Variants in GCN1 observed in about 807,000 individuals in gnomAD.
GCN1 encodes the protein stalled ribosome sensor GCN1.
In GCN1, 90 loss-of-function variants were observed where a neutral mutation model predicts 288.4. The ratio of observed to expected loss-of-function variants is 0.31; its 90% CI spans 0.26 to 0.37. The LOEUF is 0.37. GCN1 is among the 10% of genes least tolerant of loss of function. The probability of loss-of-function intolerance (pLI) is 1.00; values close to 1 mark genes in which losing one functional copy is unlikely to be tolerated. For synonymous variants in GCN1, 1,386 were observed against 1,420.2 expected (o/e 0.98, Z 0.54); for missense variants, 2,586 against 3,419.9 (o/e 0.76, Z 6.08).
At chr12:120,150,929 T>TC in intron 34 of GCN1, among the ~76,000 whole-genome samples, 1 of 148,516 alleles carries the variant, frequency 6.7e-6, no homozygotes, top group South Asian at 2.1e-4. Context: ...AGAGCGAGAC[T>TC]CCGTCTCAAA....
At position 120,144,462 on chromosome 12, in the gene GCN1, G is replaced by C; in HGVS notation, c.5353-14C>G. On this transcript the variant is annotated splice_polypyrimidine_tract_variant and intron_variant, in intron 41 of 57. Coordinates refer to ENST00000300648, the MANE Select transcript of GCN1 (RefSeq NM_006836.2). This position sits in a 1 kb window ranked among gnomAD's most constrained non-coding sequence, Gnocchi z 4.7. ...ATCAGCAAGAGCCTGGGCACACAGA[G>C]GGTGGGTCAGCCAGAGCTGCCACCC... 2 of 1,607,886 alleles carry C rather than the reference G, an allele frequency of 1.2e-6. No individual in the cohort carries two copies. The highest frequency in any genetic ancestry group is 1.7e-6 in the Non-Finnish European group (2 of 1,175,886).
chr12:120,163,890 A>G (rs1807765844), intron 18 of GCN1, among the ~76,000 whole-genome samples: 1 of 152,174 alleles, frequency 6.6e-6, no homozygotes, highest in African/African-American at 2.4e-5. Context: ...TGGGAAGCCG[A>G]GGTAGGAGGA....
chr12:120,150,972 A>C (rs188057213), intron 34 of GCN1, among the ~76,000 whole-genome samples, 173 bp downstream of exon 34: 1 of 152,000 alleles, frequency 6.6e-6, no homozygotes, highest in Non-Finnish European at 1.5e-5. Context: ...AAAATTTGCA[A>C]GTCCAAGGAA....
rs938232856 is a variant in GCN1, at chr12:120,164,199, C to G, written c.1848+137G>C. ...TATGAAAGATGTTACTGGAGCTTGA[C>G]GGCAGAGCAGAAGATGCTGGCATCA... On this transcript the variant is annotated intron_variant, in intron 18 of 57. Transcript: ENST00000300648. 5.8e-6 allele frequency: 4 copies of G among 688,356 alleles called. No individual in the cohort carries two copies. The East Asian group carries it at 1.0e-4, about 18-fold the overall frequency. The allele number at this position is 688,356 out of a possible 1,614,324, so 42.6% of individuals were successfully genotyped here. A position where few individuals can be genotyped will look rare whatever the true frequency, so the allele number is the denominator to read the frequency against.
At chr12:120,167,558 G>A (rs759514920) in intron 16 of GCN1, among the ~76,000 whole-genome samples, 2 of 152,052 alleles carry the variant, frequency 1.3e-5, no homozygotes, top group Non-Finnish European at 2.9e-5. Flanking sequence ...ATCTATAGCC[G>A]AGGAACTGGG....
Position 120,127,692 on chromosome 12 carries a change from G to T in GCN1, c.*157C>A. On this transcript the variant is annotated 3_prime_UTR_variant, in exon 58 of 58. Transcript: ENST00000300648. The stretch of plus-strand genomic sequence containing the variant: ...TGGAGGAGGCAATTTTCAGTTGTGT[G>T]TGGGTTTGATTTAAGGCTTTGGCTG... 1.2e-6 allele frequency: 1 copy of T among 823,020 alleles called. No homozygotes were observed. 51.0% of individuals were successfully genotyped at this position (823,020 alleles called of 1,614,324 possible).
At chr12:120,150,452 G>C (rs1168525257) in intron 34 of GCN1, among the ~76,000 whole-genome samples, 2 of 151,420 alleles carry the variant, frequency 1.3e-5, no homozygotes, top group African/African-American at 4.9e-5. Flanking sequence ...AAAATTAGCT[G>C]GGTATGGTGG....
chr12:120,166,141 G>A (rs191890738), intron 16 of GCN1, among the ~76,000 whole-genome samples: 24 of 148,922 alleles, frequency 1.6e-4, no homozygotes, highest in African/African-American at 5.2e-4. Context: ...AGTGGCTCAC[G>A]CCTGTAATCC....
chr12:120,163,307 T>C (rs1877991637), intron 18 of GCN1, 48 bp from the exon 19 acceptor site: 1 of 1,486,132 alleles, frequency 6.7e-7, no homozygotes, highest in African/African-American at 1.4e-5. Flanking sequence ...CTGTGCAGGC[T>C]TGGAACACAG....
At chr12:120,147,474 T>C (rs2139097977) in intron 37 of GCN1, among the ~76,000 whole-genome samples, 1 of 152,228 alleles carries the variant, frequency 6.6e-6, no homozygotes, top group African/African-American at 2.4e-5. Context: ...CCTCAGGTGA[T>C]CCGCCCGCCT....
Position 120,156,454 on chromosome 12 carries a change from C to T in GCN1, c.3312+7G>A. 6.2e-7 allele frequency: 1 copy of T among 1,613,186 alleles called. No homozygotes were observed. The highest frequency in any genetic ancestry group is 2.2e-5 in the East Asian group (1 of 44,888). ...ACACTGCAGTGGCTCTGAGACTGAG[C>T]ACACACCCGGAGCACGGTTTCCCGC... On this transcript the variant is annotated splice_region_variant and intron_variant, in intron 28 of 57. Transcript: ENST00000300648. The surrounding 1 kb of genome is among the most constrained non-coding windows in gnomAD (Gnocchi z 5.8).
intron 1 of GCN1, among the ~76,000 whole-genome samples, chr12:120,193,383 G>A (rs1040626153): frequency 4.6e-5 from 7 of 151,872 alleles, no homozygotes; most frequent in Admixed American, 6.6e-5. Context: ...TCAGCTCACT[G>A]CAACCTCTGC....
Position 120,137,748 on chromosome 12 carries a change from C to A in GCN1, c.6460G>T (p.Glu2154Ter). 1 of 1,614,048 alleles carries A rather than the reference C, an allele frequency of 6.2e-7. No homozygotes were observed. Among genetic ancestry groups the A allele is most frequent in the Non-Finnish European group, 8.5e-7 (1 of 1,179,960 alleles). ...EDDTGHRIIIEDLLEATRSPE... is the reference protein window; with the variant it reads ...EDDTGHRIII ...CTGCGGGTGGCCTCCAGCAGATCCT[C>A]GATGATGATCCGGTGCCCTGTGTCA... Residue 2154 changes from glutamate to a stop codon, truncating the protein, a stop_gained, in exon 49 of 58, where the codon GAG becomes TAG. Coordinates refer to ENST00000300648, the MANE Select transcript of GCN1 (RefSeq NM_006836.2). LOFTEE classifies it high-confidence loss of function. The surrounding 1 kb of genome is among the most constrained non-coding windows in gnomAD (Gnocchi z 5.2).
intron 15 of GCN1, 155 bp from the exon 16 acceptor site, chr12:120,168,455 C>G: frequency 3.3e-6 from 2 of 614,356 alleles, no homozygotes; most frequent in Non-Finnish European, 5.8e-6. Flanking sequence ...TGACCTCAGT[C>G]CTTCTGGTAT....
At position 120,127,238 on chromosome 12, in the gene GCN1, T is replaced by C. The variant is rs1876647112; in HGVS notation, c.*611A>G. The C allele has an allele frequency of 6.5e-6, 1 of 152,696 alleles. No individual in the cohort carries two copies. Among genetic ancestry groups the C allele is most frequent in the Admixed American group, 6.5e-5 (1 of 15,292 alleles). The allele number at this position is 152,696 out of a possible 1,614,324, so 9.5% of individuals were successfully genotyped here. ...CTGATGCAGGAAGCTTCATGTTTAA[T>C]GGGTGGAGATTTTTAAAAATCTGTT... On this transcript the variant is annotated 3_prime_UTR_variant, in exon 58 of 58. Coordinates refer to ENST00000300648, the MANE Select transcript of GCN1 (RefSeq NM_006836.2).
chr12:120,165,002 T>TATACACACACAC (rs533586250), intron 16 of GCN1, among the ~76,000 whole-genome samples: 36 of 136,896 alleles, frequency 2.6e-4, no homozygotes, highest in African/African-American at 9.6e-4. Context: ...TACACATATA[T>TATACACACACAC]ACACACACAC....
intron 2 of GCN1, among the ~76,000 whole-genome samples, chr12:120,189,824 C>T (rs1179827451): frequency 7.9e-5 from 12 of 152,002 alleles, no homozygotes; most frequent in Non-Finnish European, 1.8e-4. Context: ...ACTAAAAACA[C>T]GAAAATTAGC....
At chr12:120,143,686 T>G (rs1291441582) in intron 42 of GCN1, among the ~76,000 whole-genome samples, 1 of 152,232 alleles carries the variant, frequency 6.6e-6, no homozygotes, top group Non-Finnish European at 1.5e-5. Flanking sequence ...AACATCCTTA[T>G]GTCTAACAGC....
chr12:120,155,168 C>G lies in GCN1; in HGVS notation c.3630+73G>C, dbSNP rs1877700864. ...TGAGCCCCGAGATTCCTGTCTGGAG[C>G]AGTAGCGGGGTGAGCAGAGACCCAC... On this transcript the variant is annotated intron_variant, in intron 30 of 57. Transcript: ENST00000300648. This position sits in a 1 kb window ranked among gnomAD's most constrained non-coding sequence, Gnocchi z 4.9. 1.9e-6 allele frequency: 3 copies of G among 1,538,708 alleles called. No homozygotes were observed. Among genetic ancestry groups the G allele is most frequent in the Middle Eastern group, 1.7e-4 (1 of 5,930 alleles).
Sources: allele counts gnomAD v4.1 joint callset (sites outside exome capture counted in the v4.1 genomes callset), GRCh38; gene constraint gnomAD v4.1.1; non-coding constraint Gnocchi (gnomAD v3.1); transcripts MANE v1.5; gene names NCBI Gene and HGNC (gene_info 2026-07-23, HGNC 2026-07-21).